The following CNTNAP3 variants were observed in gnomAD, a reference collection of about 807,000 sequenced individuals.
CNTNAP3 encodes the protein contactin-associated protein-like 3.
In CNTNAP3, 36 loss-of-function variants were observed where a neutral mutation model predicts 92.1. That is an observed-to-expected ratio of 0.39 (90% CI 0.30 to 0.52). The LOEUF (loss-of-function observed/expected upper bound fraction) is 0.52, where lower values mean the gene tolerates loss of function less well. CNTNAP3 is among the 20% of genes least tolerant of loss of function. The pLI is 0.76. For missense variants in CNTNAP3, 534 were observed against 1,069.6 expected (o/e 0.50, Z 6.98); for synonymous variants, 232 against 422.3 (o/e 0.55, Z 5.53).
At chr9:39,168,180 C>T (rs1229530345) in intron 8 of CNTNAP3, among the ~76,000 whole-genome samples, 1 of 134,318 alleles carries the variant, frequency 7.4e-6, no homozygotes. Context: ...CCACGCCTGG[C>T]TAATTTTTTT....
At chr9:39,109,113 C>CA (rs750451852) in intron 15 of CNTNAP3, 47 bp downstream of exon 15, 3 of 1,588,396 alleles carry the variant, frequency 1.9e-6, no homozygotes, top group Non-Finnish European at 2.6e-6. Context: ...CTTTTATAAC[C>CA]AAAAAAAGTT....
At chr9:39,148,085 T>A (rs1177756249) in intron 10 of CNTNAP3, among the ~76,000 whole-genome samples, 1 of 151,948 alleles carries the variant, frequency 6.6e-6, no homozygotes, top group Non-Finnish European at 1.5e-5. Flanking sequence ...GGGATTATAT[T>A]AAGTGAGCAA....
rs1308566364 is a variant in CNTNAP3 at position 39,069,254 on chromosome 9, A to G, written c.*4636T>C. ...TATCTGTGTAATGTTTTCTCAAAGC[A>G]GTGAAGGCCTTTGTGAATTTTGCAA... On this transcript the variant is annotated 3_prime_UTR_variant, in exon 24 of 24. Transcript: ENST00000297668. Among the ~76,000 whole-genome samples, 1 of 152,240 alleles carries G rather than the reference A, an allele frequency of 6.6e-6. No individual in the cohort carries two copies. The highest frequency in any genetic ancestry group is 2.4e-5 in the African/African-American group (1 of 41,468).
At chr9:39,124,254 G>A (rs1055575880) in intron 13 of CNTNAP3, among the ~76,000 whole-genome samples, 2 of 152,158 alleles carry the variant, frequency 1.3e-5, no homozygotes. Context: ...ATACTCAAAG[G>A]CTACCACTAA....
intron 14 of CNTNAP3, among the ~76,000 whole-genome samples, chr9:39,117,381 A>G (rs1820884726): frequency 6.6e-6 from 1 of 152,122 alleles, no homozygotes; most frequent in Non-Finnish European, 1.5e-5. Context: ...AAAGGTTGAA[A>G]ACATTTACAT....
intron 12 of CNTNAP3, among the ~76,000 whole-genome samples, chr9:39,136,142 T>TAAA (rs1821425310): frequency 6.8e-6 from 1 of 147,512 alleles, no homozygotes; most frequent in East Asian, 2.0e-4. Flanking sequence ...ATAATAATAA[T>TAAA]AATAATAATA....
intron 3 of CNTNAP3, among the ~76,000 whole-genome samples, chr9:39,217,358 GTATATATA>G (rs58203008): frequency 0.028 from 118 of 4,242 alleles, 20 homozygotes; most frequent in South Asian, 0.095. Context: ...ATTTACATGA[GTATATATA>G]TATATATATA....
chr9:39,111,893 T>C (rs1321467865), intron 14 of CNTNAP3, among the ~76,000 whole-genome samples: 1 of 152,136 alleles, frequency 6.6e-6, no homozygotes, highest in Non-Finnish European at 1.5e-5. Flanking sequence ...GTTTTCATTC[T>C]GAGCATAAAG....
At chr9:39,106,172 A>G (rs779346329) in intron 15 of CNTNAP3, among the ~76,000 whole-genome samples, 4 of 152,238 alleles carry the variant, frequency 2.6e-5, no homozygotes, top group African/African-American at 7.2e-5. Context: ...AAAAGAATCA[A>G]TAAGTGTTAT....
intron 18 of CNTNAP3, among the ~76,000 whole-genome samples, chr9:39,099,076 G>A (rs1009436961): frequency 1.3e-5 from 2 of 151,614 alleles, no homozygotes; most frequent in Non-Finnish European, 2.9e-5. Flanking sequence ...CCGGGTTCAA[G>A]CAATTCTCCT....
At chr9:39,096,614 A>G (rs1826331165) in intron 18 of CNTNAP3, among the ~76,000 whole-genome samples, 1 of 150,608 alleles carries the variant, frequency 6.6e-6, no homozygotes. Flanking sequence ...ATTGTTAACT[A>G]TAGTCATCCT....
intron 13 of CNTNAP3, among the ~76,000 whole-genome samples, chr9:39,120,852 T>C (rs1177641806): frequency 6.6e-6 from 1 of 152,104 alleles, no homozygotes; most frequent in Non-Finnish European, 1.5e-5. Context: ...ATAAATGTAA[T>C]AGACTATCCT....
intron 13 of CNTNAP3, among the ~76,000 whole-genome samples, chr9:39,126,053 T>A (rs1304630292): frequency 2.0e-5 from 3 of 152,134 alleles, no homozygotes; most frequent in Non-Finnish European, 4.4e-5. Flanking sequence ...GAATACACAT[T>A]CTTCTCAAAT....
intron 16 of CNTNAP3, 128 bp downstream of exon 16, chr9:39,103,616 T>C: frequency 8.6e-7 from 1 of 1,159,834 alleles, no homozygotes; most frequent in Non-Finnish European, 1.2e-6. Flanking sequence ...CCTAAAATCA[T>C]AGAAGTTTAG....
At chr9:39,089,958 G>C (rs1333288707) in intron 18 of CNTNAP3, among the ~76,000 whole-genome samples, 1 of 151,752 alleles carries the variant, frequency 6.6e-6, no homozygotes, top group Non-Finnish European at 1.5e-5. Context: ...TTGTTTTCTT[G>C]AGACAGAGTC....
intron 12 of CNTNAP3, among the ~76,000 whole-genome samples, chr9:39,138,816 G>A (rs574428389): frequency 1.3e-5 from 2 of 152,256 alleles, no homozygotes; most frequent in South Asian, 4.1e-4. Context: ...GAAGAAAATT[G>A]TCATTCTGTA....
intron 18 of CNTNAP3, among the ~76,000 whole-genome samples, chr9:39,097,094 A>G (rs1826343558): frequency 6.6e-6 from 1 of 151,794 alleles, no homozygotes; most frequent in South Asian, 2.1e-4. Flanking sequence ...CATAATCTCT[A>G]TTGATCTTGC....
At chr9:39,276,723 C>A (rs1351581521) in intron 1 of CNTNAP3, among the ~76,000 whole-genome samples, 1 of 25,312 alleles carries the variant, frequency 4.0e-5, no homozygotes, top group Non-Finnish European at 1.1e-4. Context: ...TTGAAACCAA[C>A]GAGAACAAAC....
At chr9:39,116,656 G>C (rs1587715844) in intron 14 of CNTNAP3, among the ~76,000 whole-genome samples, 1 of 152,084 alleles carries the variant, frequency 6.6e-6, no homozygotes. Context: ...GTTGTATTAA[G>C]ATTGCATATC....
Sources: gnomAD v4.1 joint callset for allele counts (sites outside exome capture counted in the v4.1 genomes callset) on GRCh38, gnomAD v4.1.1 for gene constraint, MANE v1.5 for transcripts, NCBI Gene and HGNC (gene_info 2026-07-23, HGNC 2026-07-21) for gene names.